The following CPM variants were observed in gnomAD, a reference collection of about 807,000 sequenced individuals.
CPM encodes renal carboxypeptidase.
CPM carries 35 observed loss-of-function variants against 46.4 expected under a neutral mutation model. The ratio of observed to expected loss-of-function variants is 0.75; its 90% CI spans 0.58 to 1.00. CPM has a LOEUF of 1.00. CPM is among the 50% of genes least tolerant of loss of function. CPM has a pLI of 0.00. For missense variants in CPM, 422 were observed against 530.4 expected (o/e 0.80, Z 2.01); for synonymous variants, 195 against 195.3 (o/e 1.00, Z 0.01).
At chr12:68,955,756 G>A (rs897719134) in intron 1 of CPM, among the ~76,000 whole-genome samples, 3 of 152,166 alleles carry the variant, frequency 2.0e-5, no homozygotes, top group Admixed American at 1.3e-4. Flanking sequence ...AGAGCAGGTA[G>A]CTCCTATCCT....
At chr12:68,909,637 C>A (rs565631115) in intron 2 of CPM, among the ~76,000 whole-genome samples, 3 of 152,034 alleles carry the variant, frequency 2.0e-5, no homozygotes, top group Admixed American at 6.6e-5. Context: ...ACATATACAC[C>A]ATGGAATACT....
intron 2 of CPM, among the ~76,000 whole-genome samples, chr12:68,899,325 G>A (rs984197691): frequency 1.3e-5 from 2 of 152,256 alleles, no homozygotes; most frequent in African/African-American, 4.8e-5. Context: ...CCTAACAGCA[G>A]AGGACAGTGC....
intron 2 of CPM, among the ~76,000 whole-genome samples, chr12:68,887,631 A>G (rs1218696739): frequency 6.6e-6 from 1 of 152,270 alleles, no homozygotes; most frequent in East Asian, 1.9e-4. Flanking sequence ...ATACTACTAT[A>G]TCCAGGCACT....
At chr12:68,908,798 T>G (rs1229765041) in intron 2 of CPM, among the ~76,000 whole-genome samples, 1 of 152,076 alleles carries the variant, frequency 6.6e-6, no homozygotes, top group African/African-American at 2.4e-5. Flanking sequence ...AATTAAAAAC[T>G]TCTGTAAGGC....
At chr12:68,897,730 C>T (rs1363762592) in intron 2 of CPM, among the ~76,000 whole-genome samples, 1 of 119,038 alleles carries the variant, frequency 8.4e-6, no homozygotes, top group Admixed American at 8.7e-5. Flanking sequence ...GAGCGAGACT[C>T]CGTTTCAAAA....
intron 3 of CPM, among the ~76,000 whole-genome samples, chr12:68,883,472 T>C (rs980766258): frequency 1.3e-5 from 2 of 152,140 alleles, no homozygotes; most frequent in Non-Finnish European, 2.9e-5. Context: ...CTGGGTCACA[T>C]AAGGGGGTAA....
At chr12:68,912,916 A>G (rs1465178908) in intron 2 of CPM, among the ~76,000 whole-genome samples, 1 of 152,144 alleles carries the variant, frequency 6.6e-6, no homozygotes, top group Non-Finnish European at 1.5e-5. Context: ...TCTCCAACAC[A>G]CAGGGAAAAG....
At chr12:68,887,731 C>T (rs1362766841) in intron 2 of CPM, among the ~76,000 whole-genome samples, 1 of 152,126 alleles carries the variant, frequency 6.6e-6, no homozygotes, top group East Asian at 1.9e-4. Flanking sequence ...CAAGCATATA[C>T]TAGAGTGTGA....
rs200496918 is a variant in CPM, at chr12:68,870,370, C to T, written c.461G>A (p.Arg154Gln). The T allele has an allele frequency of 6.2e-6, 10 of 1,613,922 alleles. No homozygotes were observed. Among genetic ancestry groups the T allele is most frequent in the South Asian group, 2.2e-5 (2 of 91,076 alleles). Residue 154 changes from arginine (R) to glutamine (Q), a missense_variant, in exon 5 of 9, where the codon CGA becomes CAA. Transcript: ENST00000551568. ...RENYNQYDLN[R>Q]NFPDAFEYNN... Reference sequence around the variant, plus strand: ...ATATTCAAAAGCATCGGGGAAATTTCGATTCAAGTCATACTGGTTATAATT... The same window carrying T: ...ATATTCAAAAGCATCGGGGAAATTTTGATTCAAGTCATACTGGTTATAATT...
intron 1 of CPM, among the ~76,000 whole-genome samples, chr12:68,956,944 T>C (rs1255613274): frequency 6.6e-6 from 1 of 152,142 alleles, no homozygotes; most frequent in African/African-American, 2.4e-5. Flanking sequence ...CTTTATTGGT[T>C]CCAGAATCCT....
At chr12:68,947,596 C>CAA (rs908158713) in intron 1 of CPM, among the ~76,000 whole-genome samples, 3 of 121,082 alleles carry the variant, frequency 2.5e-5, no homozygotes, top group Admixed American at 8.3e-5. Flanking sequence ...GACTCTGTCT[C>CAA]AAAAAAAAAA....
upstream of CPM, among the ~76,000 whole-genome samples, chr12:68,934,413 A>C (rs1347109596): frequency 6.6e-6 from 1 of 152,162 alleles, no homozygotes; most frequent in Non-Finnish European, 1.5e-5. Context: ...TTACAGATAT[A>C]GATACTTTTC....
At chr12:68,945,152 A>G (rs1472066881) in intron 1 of CPM, among the ~76,000 whole-genome samples, 2 of 152,206 alleles carry the variant, frequency 1.3e-5, no homozygotes, top group African/African-American at 4.8e-5. Flanking sequence ...ATACTTTAGC[A>G]GAATTCAGGT....
At chr12:68,866,681 A>T in intron 7 of CPM, 1 of 497,222 alleles carries the variant, frequency 2.0e-6, no homozygotes, top group Non-Finnish European at 3.5e-6. Flanking sequence ...TTAAAGGAAC[A>T]TGCATCATGC....
chr12:68,877,161 C>A (rs1372958470), intron 3 of CPM, among the ~76,000 whole-genome samples: 2 of 152,158 alleles, frequency 1.3e-5, no homozygotes, highest in East Asian at 3.8e-4. Flanking sequence ...CTGGGTTCAC[C>A]ATGACACCTG....
intron 1 of CPM, among the ~76,000 whole-genome samples, chr12:68,954,518 A>T (rs1046395674): frequency 6.6e-6 from 1 of 152,012 alleles, no homozygotes; most frequent in Non-Finnish European, 1.5e-5. Context: ...TCCTTCCCCA[A>T]GTGAGGGCCT....
At chr12:68,951,785 G>A (rs969056302) in intron 1 of CPM, among the ~76,000 whole-genome samples, 24 of 152,162 alleles carry the variant, frequency 1.6e-4, no homozygotes, top group Non-Finnish European at 2.1e-4. Flanking sequence ...AACCTAGACT[G>A]GCTGTGAGCA....
At chr12:68,871,529 C>T (rs1023731951) in intron 4 of CPM, among the ~76,000 whole-genome samples, 3 of 151,842 alleles carry the variant, frequency 2.0e-5, no homozygotes, top group Non-Finnish European at 2.9e-5. Flanking sequence ...GGGGAGGAGG[C>T]AGGGGAGAGA....
At chr12:68,933,018 G>C in intron 1 of CPM, 124 bp downstream of exon 1, 1 of 557,168 alleles carries the variant, frequency 1.8e-6, no homozygotes, top group South Asian at 2.4e-5. Flanking sequence ...CAGAGACCGG[G>C]AGCACGGGCA....
Sources: allele counts gnomAD v4.1 joint callset (sites outside exome capture counted in the v4.1 genomes callset), GRCh38; gene constraint gnomAD v4.1.1; transcripts MANE v1.5; gene names NCBI Gene and HGNC (gene_info 2026-07-23, HGNC 2026-07-21).